Variants in GRIA2 observed in about 807,000 individuals in gnomAD.
GRIA2 encodes the protein glutamate receptor 2.
A neutral mutation model predicts 97.3 loss-of-function variants in GRIA2; 14 were observed. The ratio of observed to expected loss-of-function variants is 0.14; its 90% CI spans 0.10 to 0.23. The LOEUF is 0.23. Among genes scored for constraint, GRIA2 ranks in the 10% least tolerant of loss-of-function variants. The pLI is 1.00. For missense variants in GRIA2, 558 were observed against 1,069.8 expected (o/e 0.52, Z 6.67); for synonymous variants, 412 against 387.8 (o/e 1.06, Z -0.73).
At chr4:157,345,657 A>G (rs2126960388) in intron 12 of GRIA2, among the ~76,000 whole-genome samples, 1 of 152,258 alleles carries the variant, frequency 6.6e-6, no homozygotes, top group Non-Finnish European at 1.5e-5. Context: ...TAAACCTATC[A>G]TTGGCCTGTC....
chr4:157,330,222 A>G lies in GRIA2; in HGVS notation c.883-2597A>G, dbSNP rs574720200. Among the ~76,000 whole-genome samples, 35 of 152,080 alleles carry G rather than the reference A, an allele frequency of 2.3e-4. No individual in the cohort carries two copies. In the South Asian group the frequency reaches 5.0e-3, roughly 22 times the overall value. On this transcript the variant is annotated intron_variant, in intron 6 of 15. Transcript: ENST00000264426. ...TAGTTCACTTGCCCAAGGCAACAGA[A>G]CAGTAAATAATAAAATCTGGACTTG...
intron 2 of GRIA2, among the ~76,000 whole-genome samples, chr4:157,283,964 A>C (rs1373097643): frequency 6.6e-6 from 1 of 151,960 alleles, no homozygotes; most frequent in African/African-American, 2.4e-5. Context: ...TATCCAGGCT[A>C]GGATAATGTT....
At chr4:157,231,784 G>C (rs1009884818) in intron 2 of GRIA2, among the ~76,000 whole-genome samples, 1 of 151,770 alleles carries the variant, frequency 6.6e-6, no homozygotes, top group Non-Finnish European at 1.5e-5. Context: ...TATTATACTG[G>C]TATTATATTT....
intron 14 of GRIA2, chr4:157,362,418 C>A: frequency 2.2e-6 from 1 of 460,202 alleles, no homozygotes. Flanking sequence ...TAGCCCTGTT[C>A]GCTGTCAGCT....
Position 157,220,803 on chromosome 4 carries a change from T to A in GRIA2, c.-240T>A. The stretch of plus-strand genomic sequence containing the variant: ...CCACAGCGGCAGCTCCGCTGAAAAC[T>A]GCATTCAGCCAGTCCTCCGGACTTC... On this transcript the variant is annotated 5_prime_UTR_variant, in exon 1 of 16. Transcript: ENST00000264426. 1.8e-6 allele frequency: 1 copy of A among 551,388 alleles called. No individual in the cohort carries two copies. The highest frequency in any genetic ancestry group is 3.2e-6 in the Non-Finnish European group (1 of 308,874). 34.2% of individuals were successfully genotyped at this position (551,388 alleles called of 1,614,324 possible). A position where few individuals can be genotyped will look rare whatever the true frequency, so the allele number is the denominator to read the frequency against.
intron 12 of GRIA2, among the ~76,000 whole-genome samples, chr4:157,348,306 C>T (rs1735851564): frequency 6.6e-6 from 1 of 152,062 alleles, no homozygotes; most frequent in Admixed American, 6.5e-5. Flanking sequence ...GGCTGCAGTG[C>T]AGTGGCATGG....
In GRIA2 at chr4:157,362,791, T is replaced by C. The variant is rs776055667; in HGVS notation, c.2407-8T>C. 11 of 1,608,852 alleles carry C rather than the reference T, an allele frequency of 6.8e-6. No individual in the cohort carries two copies. Among genetic ancestry groups the C allele is most frequent in the Non-Finnish European group, 8.5e-6 (10 of 1,177,268 alleles). ...TCCTAATAACCTCTTCTCATATACA[T>C]TCTTTAGGAAAAGACCAGTGCCCTC... On this transcript the variant is annotated splice_polypyrimidine_tract_variant and splice_region_variant and intron_variant, in intron 14 of 15. Coordinates refer to ENST00000264426, the MANE Select transcript of GRIA2 (RefSeq NM_001083619.3).
At chr4:157,237,561 T>C (rs973656164) in intron 2 of GRIA2, among the ~76,000 whole-genome samples, 2 of 152,152 alleles carry the variant, frequency 1.3e-5, no homozygotes, top group Non-Finnish European at 2.9e-5. Flanking sequence ...ACTATAGGTG[T>C]GAGCCACTGC....
rs145994798 is a variant in GRIA2 at position 157,343,817 on chromosome 4, T to C, written c.2043+2355T>C. On this transcript the variant is annotated intron_variant, in intron 12 of 15. Coordinates refer to ENST00000264426, the MANE Select transcript of GRIA2 (RefSeq NM_001083619.3). ...GACACGGTTGCAATTTGGGAAATTA[T>C]GTATATAAAAGTTTTGTTTCTTCAA... 2.9e-3 allele frequency among the ~76,000 whole-genome samples: 447 copies of C among 152,254 alleles called. 5 individuals are homozygous for C. Among genetic ancestry groups the C allele is most frequent in the Admixed American group, 0.023 (352 of 15,280 alleles).
At chr4:157,345,004 C>G (rs1560775957) in intron 12 of GRIA2, among the ~76,000 whole-genome samples, 1 of 151,894 alleles carries the variant, frequency 6.6e-6, no homozygotes, top group African/African-American at 2.4e-5. Context: ...TATAAGATGA[C>G]TATTTTATTT....
At chr4:157,275,411 G>A (rs1375025701) in intron 2 of GRIA2, among the ~76,000 whole-genome samples, 2 of 152,146 alleles carry the variant, frequency 1.3e-5, no homozygotes, top group African/African-American at 2.4e-5. Flanking sequence ...TGTTGCCATT[G>A]CTTTTGGTGT....
At chr4:157,291,233 C>A (rs1336155857) in intron 2 of GRIA2, among the ~76,000 whole-genome samples, 1 of 151,892 alleles carries the variant, frequency 6.6e-6, no homozygotes, top group South Asian at 2.1e-4. Flanking sequence ...TCCTTTTCAG[C>A]TGTTCATTTG....
At position 157,361,708 on chromosome 4, in the gene GRIA2, C is replaced by A; in HGVS notation, c.2406+584C>A. ...CAAAATCAAACACAAACAGCAAAAT[C>A]AAACCACAAGTGTGTTAGTGGGAAT... is the stretch of plus-strand genomic sequence containing the variant. On this transcript the variant is annotated intron_variant, in intron 14 of 15. Coordinates refer to ENST00000264426, the MANE Select transcript of GRIA2 (RefSeq NM_001083619.3). This position sits in a 1 kb window ranked among gnomAD's most constrained non-coding sequence, Gnocchi z 5.2. 2 of 1,222,674 alleles carry A rather than the reference C, an allele frequency of 1.6e-6. No individual in the cohort carries two copies. The highest frequency in any genetic ancestry group is 1.2e-6 in the Non-Finnish European group (1 of 827,318). 75.7% of individuals were successfully genotyped at this position (1,222,674 alleles called of 1,614,324 possible).
At chr4:157,304,028 C>T (rs538391641) in intron 3 of GRIA2, among the ~76,000 whole-genome samples, 66 of 152,246 alleles carry the variant, frequency 4.3e-4, no homozygotes, top group African/African-American at 1.5e-3. Flanking sequence ...TGTATCAACC[C>T]AATGACCAAA....
At chr4:157,286,735 A>G (rs1055733747) in intron 2 of GRIA2, among the ~76,000 whole-genome samples, 1 of 151,558 alleles carries the variant, frequency 6.6e-6, no homozygotes, top group African/African-American at 2.4e-5. Flanking sequence ...TCAGGAAACA[A>G]ATCAATACGA....
At chr4:157,289,912 T>G (rs1733017967) in intron 2 of GRIA2, among the ~76,000 whole-genome samples, 1 of 151,882 alleles carries the variant, frequency 6.6e-6, no homozygotes, top group South Asian at 2.1e-4. Context: ...TTTTCAGGTT[T>G]TCTTGTGACG....
At chr4:157,316,954 G>A (rs115745151) in intron 4 of GRIA2, among the ~76,000 whole-genome samples, 242 of 152,194 alleles carry the variant, frequency 1.6e-3, no homozygotes, top group African/African-American at 5.6e-3. Flanking sequence ...GTCCAAAACC[G>A]TTGTCAGCAT....
At chr4:157,356,263 G>A (rs1245316193) in intron 12 of GRIA2, among the ~76,000 whole-genome samples, 2 of 147,136 alleles carry the variant, frequency 1.4e-5, no homozygotes, top group Admixed American at 7.1e-5. Context: ...GTAGATTTGC[G>A]AAAGAGGTAG....
chr4:157,363,942 A>G lies in GRIA2; in HGVS notation c.*511A>G, dbSNP rs1019182140. ...GACATCAACTGCATCAAGATGTGACATGTTTTATAAAAAAAGGAAAAAAAA... is the reference window on the plus strand; with the variant it reads ...GACATCAACTGCATCAAGATGTGACGTGTTTTATAAAAAAAGGAAAAAAAA... On this transcript the variant is annotated 3_prime_UTR_variant, in exon 16 of 16. Transcript: ENST00000264426. 5 of 174,184 alleles carry G rather than the reference A, an allele frequency of 2.9e-5. No homozygotes were observed. The highest frequency in any genetic ancestry group is 9.4e-5 in the African/African-American group (4 of 42,378). 10.8% of individuals were successfully genotyped at this position (174,184 alleles called of 1,614,324 possible).
Sources: allele counts gnomAD v4.1 joint callset (sites outside exome capture counted in the v4.1 genomes callset), GRCh38; gene constraint gnomAD v4.1.1; non-coding constraint Gnocchi (gnomAD v3.1); transcripts MANE v1.5; gene names NCBI Gene and HGNC (gene_info 2026-07-23, HGNC 2026-07-21).